Variants in LTBR observed in about 807,000 individuals in gnomAD.
The protein encoded by LTBR is tumor necrosis factor receptor superfamily member 3.
Under a neutral mutation model 45.4 loss-of-function variants are expected in LTBR, and 15 were observed. The ratio of observed to expected loss-of-function variants is 0.33; its 90% CI spans 0.22 to 0.51. The LOEUF (loss-of-function observed/expected upper bound fraction) is 0.51. LTBR is among the 20% of genes least tolerant of loss of function. The probability of loss-of-function intolerance (pLI) is 0.97; values close to 1 mark genes in which losing one functional copy is unlikely to be tolerated. For missense variants in LTBR, 450 were observed against 565.5 expected (o/e 0.80, Z 2.07); for synonymous variants, 228 against 231.0 (o/e 0.99, Z 0.12).
At chr12:6,378,179 G>A (rs1255318958) in intron 1 of LTBR, among the ~76,000 whole-genome samples, 1 of 152,164 alleles carries the variant, frequency 6.6e-6, no homozygotes, top group African/African-American at 2.4e-5. Context: ...ATATCTTTTT[G>A]TGTGCCTTTA....
At chr12:6,377,771 C>T (rs751829516) in intron 1 of LTBR, 18 of 801,818 alleles carry the variant, frequency 2.2e-5, no homozygotes, top group Non-Finnish European at 3.3e-5. Flanking sequence ...CAGCTCATGC[C>T]TGAAATCCAA....
chr12:6,379,196 G>A (rs766504957), upstream of LTBR, among the ~76,000 whole-genome samples: 6 of 152,156 alleles, frequency 3.9e-5, no homozygotes, highest in South Asian at 2.1e-4. Flanking sequence ...GAGACCAGGC[G>A]TATTCATCTT....
In LTBR at chr12:6,384,691, G is replaced by T; in HGVS notation, c.193+7G>T. 1 of 1,613,666 alleles carries T rather than the reference G, an allele frequency of 6.2e-7. No homozygotes were observed. The highest frequency in any genetic ancestry group is 1.1e-5 in the South Asian group (1 of 91,072). On this transcript the variant is annotated splice_region_variant and intron_variant, in intron 2 of 9. Coordinates refer to ENST00000228918, the MANE Select transcript of LTBR (RefSeq NM_002342.3). The stretch of plus-strand genomic sequence containing the variant: ...TGCTCCCGCTGCCCGCCAGGTGAGA[G>T]GCAATGGCAGGACGAACCTGGGCCT...
Position 6,386,485 on chromosome 12 carries a change from G to GA in LTBR, c.667+45dup. The stretch of plus-strand genomic sequence containing the variant: ...TGAGGGACACGGGGGGGGCGCCTCT[G>GA]AAAATGCCTTAATGCTCCACATCTT... On this transcript the variant is annotated intron_variant, in intron 6 of 9. Coordinates refer to ENST00000228918, the MANE Select transcript of LTBR (RefSeq NM_002342.3). The surrounding 1 kb of genome is among the most constrained non-coding windows in gnomAD (Gnocchi z 4.1). 1 of 1,476,622 alleles carries GA rather than the reference G, an allele frequency of 6.8e-7. No homozygotes were observed. The highest frequency in any genetic ancestry group is 9.4e-7 in the Non-Finnish European group (1 of 1,058,548). 91.5% of individuals were successfully genotyped at this position (1,476,622 alleles called of 1,614,324 possible).
chr12:6,386,468 A>AAGG lies in LTBR; in HGVS notation c.667+24_667+25insAGG, dbSNP rs765849869. On this transcript the variant is annotated intron_variant, in intron 6 of 9. Coordinates refer to ENST00000228918, the MANE Select transcript of LTBR (RefSeq NM_002342.3). This position sits in a 1 kb window ranked among gnomAD's most constrained non-coding sequence, Gnocchi z 4.1. ...AGGTGAGGGACCAGGGCTGAGGGAC[A>AAGG]CGGGGGGGGCGCCTCTGAAAATGCC... The AAGG allele has an allele frequency of 8.6e-7, 1 of 1,162,746 alleles. No homozygotes were observed. Among genetic ancestry groups the AAGG allele is most frequent in the Non-Finnish European group, 1.2e-6 (1 of 847,646 alleles). 72.0% of individuals were successfully genotyped at this position (1,162,746 alleles called of 1,614,324 possible). A position where few individuals can be genotyped will look rare whatever the true frequency, so the allele number is the denominator to read the frequency against.
chr12:6,377,274 C>T (rs1948928276), intron 1 of LTBR: 2 of 1,550,618 alleles, frequency 1.3e-6, no homozygotes. Flanking sequence ...CATGATACCT[C>T]CCCTTGGAAG....
In LTBR at chr12:6,385,375, C is replaced by T. The variant is rs747024350; in HGVS notation, c.468C>T (p.Leu156=). ...SDCPPGTEAE[L]KDEVGKGNNH... ...GCCCGCCTGGCACTGAAGCCGAGCT[C>T]AAAGGTCAGAGGTCCCTGAGGGGCT... is the stretch of plus-strand genomic sequence containing the variant. Residue 156 remains leucine, a synonymous_variant, in exon 4 of 10, where the codon CTC becomes CTT. Transcript: ENST00000228918. 1.9e-6 allele frequency: 3 copies of T among 1,613,994 alleles called. No homozygotes were observed. In the Admixed American group the frequency reaches 5.0e-5, roughly 27 times the overall value.
upstream of LTBR, among the ~76,000 whole-genome samples, chr12:6,383,020 G>A (rs114061730): frequency 3.7e-3 from 564 of 152,320 alleles, 9 homozygotes; most frequent in African/African-American, 0.012. Flanking sequence ...CACATGGTAT[G>A]TGCCAGACTC....
At chr12:6,382,319 A>G (rs1948992600), upstream of LTBR, among the ~76,000 whole-genome samples, 1 of 152,074 alleles carries the variant, frequency 6.6e-6, no homozygotes, top group Admixed American at 6.5e-5. Context: ...TACAGAATAA[A>G]TGAAACTGAC....
At chr12:6,387,800 C>G (rs1346947274) in intron 6 of LTBR, 1 of 449,380 alleles carries the variant, frequency 2.2e-6, no homozygotes, top group Non-Finnish European at 4.5e-6. Flanking sequence ...CCTCCTAGAA[C>G]CTGCCCTGAG....
In LTBR at chr12:6,385,196, C is replaced by T. The variant is rs374762787; in HGVS notation, c.320-31C>T. ...GGGGCTGGATCCCCTGGAGCTTGGC[C>T]CCTCCCTGAGCCCTCCCGTCTCCCC... On this transcript the variant is annotated intron_variant, in intron 3 of 9. Coordinates refer to ENST00000228918, the MANE Select transcript of LTBR (RefSeq NM_002342.3). 58 of 1,614,004 alleles carry T rather than the reference C, an allele frequency of 3.6e-5. No individual in the cohort carries two copies. The African/African-American group carries it at 6.8e-4, about 19-fold the overall frequency.
At position 6,384,263 on chromosome 12, in the gene LTBR, G is replaced by T; in HGVS notation, c.-96G>T. On this transcript the variant is annotated 5_prime_UTR_variant, in exon 1 of 10. Transcript: ENST00000228918. ...GCCCTGAGTCCCGTCCCAGGCTCTG[G>T]GCTCGGGCAGCCGCCGCCACCGCTG... 1 of 1,418,204 alleles carries T rather than the reference G, an allele frequency of 7.1e-7. No homozygotes were observed. Among genetic ancestry groups the T allele is most frequent in the Non-Finnish European group, 9.2e-7 (1 of 1,091,562 alleles). 87.9% of individuals were successfully genotyped at this position (1,418,204 alleles called of 1,614,324 possible). A position where few individuals can be genotyped will look rare whatever the true frequency, so the allele number is the denominator to read the frequency against.
upstream of LTBR, among the ~76,000 whole-genome samples, chr12:6,379,818 A>G (rs1045575597): frequency 6.6e-6 from 1 of 151,944 alleles, no homozygotes; most frequent in African/African-American, 2.4e-5. Flanking sequence ...CTGTAGTCCC[A>G]GCTACTCGGG....
chr12:6,377,423 T>C lies in LTBR; in HGVS notation c.39+1829T>C, dbSNP rs370321210. 51 of 706,280 alleles carry C rather than the reference T, an allele frequency of 7.2e-5. No individual in the cohort carries two copies. In the African/African-American group the frequency reaches 8.2e-4, roughly 11 times the overall value. The allele number at this position is 706,280 out of a possible 1,614,324, so 43.8% of individuals were successfully genotyped here. On this transcript the variant is annotated intron_variant, in intron 1 of 9. Coordinates refer to the LTBR transcript ENST00000539925. The stretch of plus-strand genomic sequence containing the variant: ...GAATTCTCCTCCTCCTCTGGGGCTA[T>C]CTACTTAGCGCTTTTGCCATTTACT...
upstream of LTBR, among the ~76,000 whole-genome samples, chr12:6,382,017 AG>A: frequency 6.6e-6 from 1 of 152,294 alleles, no homozygotes; most frequent in South Asian, 2.1e-4. Context: ...GTTCTGGACC[AG>A]TTGGGGGATA....
At position 6,386,028 on chromosome 12, in the gene LTBR, G is replaced by A. The variant is rs758912618; in HGVS notation, c.473-38G>A. 6.9e-5 allele frequency: 101 copies of A among 1,463,680 alleles called. No homozygotes were observed. Among genetic ancestry groups the A allele is most frequent in the Non-Finnish European group, 8.9e-5 (93 of 1,044,238 alleles). 90.7% of individuals were successfully genotyped at this position (1,463,680 alleles called of 1,614,324 possible). On this transcript the variant is annotated intron_variant, in intron 4 of 9. Transcript: ENST00000228918. The surrounding 1 kb of genome is among the most constrained non-coding windows in gnomAD (Gnocchi z 4.1). ...GGCCGGCAAAGGGCCCCTCCCTTTT[G>A]CCCATTCACCCTGGCTGGCCTGCCT...
intron 8 of LTBR, chr12:6,389,253 G>T: frequency 5.6e-6 from 1 of 177,368 alleles, no homozygotes; most frequent in Non-Finnish European, 1.2e-5. Flanking sequence ...TCCAGGAAGA[G>T]GGAGCAACCA....
intron 4 of LTBR, 161 bp downstream of exon 4, chr12:6,385,540 G>A (rs1949030159): frequency 1.1e-6 from 1 of 872,070 alleles, no homozygotes; most frequent in Non-Finnish European, 1.7e-6. Flanking sequence ...GGGTTCTGGA[G>A]GGACATGGAA....
In LTBR at chr12:6,386,462, A is replaced by C. The variant is rs371246705; in HGVS notation, c.667+18A>C. The C allele has an allele frequency of 1.4e-4, 192 of 1,397,398 alleles. 1 individual carries two copies. The highest frequency in any genetic ancestry group is 7.3e-5 in the Non-Finnish European group (76 of 1,036,264). 86.6% of individuals were successfully genotyped at this position (1,397,398 alleles called of 1,614,324 possible). On this transcript the variant is annotated intron_variant, in intron 6 of 9. Coordinates refer to ENST00000228918, the MANE Select transcript of LTBR (RefSeq NM_002342.3). This position sits in a 1 kb window ranked among gnomAD's most constrained non-coding sequence, Gnocchi z 4.1. The stretch of plus-strand genomic sequence containing the variant: ...GATGTCAGGTGAGGGACCAGGGCTG[A>C]GGGACACGGGGGGGGCGCCTCTGAA...
Sources: gnomAD v4.1 joint callset for allele counts (sites outside exome capture counted in the v4.1 genomes callset) on GRCh38, gnomAD v4.1.1 for gene constraint, Gnocchi (gnomAD v3.1) non-coding constraint, MANE v1.5 for transcripts, NCBI Gene and HGNC (gene_info 2026-07-23, HGNC 2026-07-21) for gene names.